Variants in LLGL2 observed in about 807,000 individuals in gnomAD.
The protein encoded by LLGL2 is LLGL2, scribble cell polarity complex component.
Under a neutral mutation model 123.2 loss-of-function variants are expected in LLGL2, and 81 were observed. The ratio of observed to expected loss-of-function variants is 0.66; its 90% CI spans 0.55 to 0.79. The LOEUF (loss-of-function observed/expected upper bound fraction) is 0.79. Ranked by LOEUF, LLGL2 falls within the 30% of genes least tolerant of loss-of-function variation. The pLI is 0.00. For missense variants in LLGL2, 1,273 were observed against 1,414.6 expected, an observed-to-expected ratio of 0.90 and a Z score of 1.61; for synonymous variants, 577 against 594.1, an observed-to-expected ratio of 0.97 and a Z score of 0.42.
At chr17:75,574,844 C>T (rs1176438867) in intron 25 of LLGL2, 27 bp from the exon 26 acceptor site, 2 of 1,613,866 alleles carry the variant, frequency 1.2e-6, no homozygotes, top group Non-Finnish European at 8.5e-7. Context: ...CCAGGGTGAT[C>T]TTGAGCTGTC....
At position 75,558,248 on chromosome 17, in the gene LLGL2, G is replaced by T; in HGVS notation, c.255+12G>T. On this transcript the variant is annotated intron_variant, in intron 4 of 25. Coordinates refer to ENST00000392550, the MANE Select transcript of LLGL2 (RefSeq NM_001031803.2). The surrounding 1 kb of genome is among the most constrained non-coding windows in gnomAD (Gnocchi z 4.0). ...TCCTGCCCGGCCAGGTGAGGGACCT[G>T]GGGTGGGACAGGAAGCCACTTCCAT... is the stretch of plus-strand genomic sequence containing the variant. 1 of 1,608,218 alleles carries T rather than the reference G, an allele frequency of 6.2e-7. No homozygotes were observed. The highest frequency in any genetic ancestry group is 1.1e-5 in the South Asian group (1 of 91,038).
chr17:75,574,801 C>T, intron 25 of LLGL2, 70 bp from the exon 26 acceptor site: 1 of 1,602,370 alleles, frequency 6.2e-7, no homozygotes, highest in Non-Finnish European at 8.5e-7. Context: ...CATGTCTGGG[C>T]TCAGCGTGGG....
chr17:75,572,915 C>T, intron 19 of LLGL2, 99 bp from the exon 20 acceptor site: 1 of 1,410,902 alleles, frequency 7.1e-7, no homozygotes, highest in South Asian at 1.3e-5. Context: ...TTTGTCAGGA[C>T]ACCGGGAGGC....
intron 1 of LLGL2, among the ~76,000 whole-genome samples, chr17:75,529,547 C>T (rs1204811579): frequency 2.6e-5 from 4 of 151,716 alleles, no homozygotes; most frequent in Non-Finnish European, 4.4e-5. Flanking sequence ...TTCTATCCTT[C>T]ATCTCTTTAA....
chr17:75,542,410 G>A (rs2054250192), intron 1 of LLGL2, among the ~76,000 whole-genome samples: 1 of 152,188 alleles, frequency 6.6e-6, no homozygotes, highest in Non-Finnish European at 1.5e-5. Flanking sequence ...TGCTGGGAGT[G>A]GACGGAGCTG....
At chr17:75,563,564 A>T (rs977045438) in intron 8 of LLGL2, 101 bp downstream of exon 8, 38 of 1,550,436 alleles carry the variant, frequency 2.5e-5, no homozygotes, top group Middle Eastern at 2.1e-4. Flanking sequence ...AGAGAGGGTA[A>T]AGGCTTTGTC....
intron 2 of LLGL2, among the ~76,000 whole-genome samples, chr17:75,548,817 GGT>G (rs2054544365): frequency 6.6e-6 from 1 of 151,912 alleles, no homozygotes; most frequent in South Asian, 2.1e-4. Context: ...CTCCTACAGT[GGT>G]ATTTTGGGGT....
intron 1 of LLGL2, among the ~76,000 whole-genome samples, chr17:75,542,435 G>T (rs957278722): frequency 3.9e-5 from 6 of 152,104 alleles, no homozygotes; most frequent in African/African-American, 1.2e-4. Flanking sequence ...CAGGGTCTGT[G>T]TTTCCCAAGG....
At position 75,544,698 on chromosome 17, in the gene LLGL2, G is replaced by A. The variant is rs1302333166; in HGVS notation, c.75+1197G>A. Among the ~76,000 whole-genome samples, 2 of 152,058 alleles carry A rather than the reference G, an allele frequency of 1.3e-5. No individual in the cohort carries two copies. The highest frequency in any genetic ancestry group is 1.5e-5 in the Non-Finnish European group (1 of 67,984). On this transcript the variant is annotated intron_variant, in intron 2 of 25. Transcript: ENST00000392550. This position sits in a 1 kb window ranked among gnomAD's most constrained non-coding sequence, Gnocchi z 4.2. The stretch of plus-strand genomic sequence containing the variant: ...CCCTGTTGGGAGAGGTGGGTCGTGG[G>A]GTGGAGGGACCTCCCTGACCTCCCC...
chr17:75,562,055 G>C (rs1366965456), intron 6 of LLGL2, among the ~76,000 whole-genome samples: 1 of 152,230 alleles, frequency 6.6e-6, no homozygotes, highest in Non-Finnish European at 1.5e-5. Context: ...CTTGGGTTTA[G>C]TGTGGCTTGG....
In LLGL2 at chr17:75,573,498, C is replaced by G. The variant is rs774248063; in HGVS notation, c.2743C>G (p.Pro915Ala). 1 of 1,611,428 alleles carries G rather than the reference C, an allele frequency of 6.2e-7. No homozygotes were observed. Among genetic ancestry groups the G allele is most frequent in the Admixed American group, 1.7e-5 (1 of 59,982 alleles). ...KYGQGFYLIS[P>A]SEFERFSLST... ...CTCCCCAGGCTTCTACCTGATCTCA[C>G]CCTCGGAGTTTGAGCGCTTCTCTCT... Residue 915 changes from proline to alanine, a missense_variant, in exon 21 of 26, where the codon CCC becomes GCC. Coordinates refer to ENST00000392550, the MANE Select transcript of LLGL2 (RefSeq NM_001031803.2).
intron 6 of LLGL2, among the ~76,000 whole-genome samples, chr17:75,560,198 G>A (rs913326863): frequency 1.3e-5 from 2 of 152,252 alleles, no homozygotes; most frequent in South Asian, 2.1e-4. Flanking sequence ...GGGCTGGGAG[G>A]ATTCCCACTT....
At chr17:75,562,761 G>A (rs111612060) in intron 6 of LLGL2, 36,552 of 524,394 alleles carry the variant, frequency 0.07, 1,512 homozygotes, top group Middle Eastern at 0.13. Context: ...GTAGAGACAG[G>A]GTTTTGCCAT....
At chr17:75,548,923 C>CT (rs2147260976) in intron 2 of LLGL2, among the ~76,000 whole-genome samples, 1 of 152,250 alleles carries the variant, frequency 6.6e-6, no homozygotes, top group East Asian at 1.9e-4. Context: ...CTTACCAGGA[C>CT]TTGCCTTGTT....
rs201009590 is a variant in LLGL2 at position 75,563,081 on chromosome 17, G to A, written c.596G>A (p.Arg199Gln). 4.3e-6 allele frequency: 7 copies of A among 1,613,238 alleles called. No individual in the cohort carries two copies. The highest frequency in any genetic ancestry group is 1.1e-5 in the South Asian group (1 of 91,088). Residue 199 changes from arginine (R) to glutamine (Q), a missense_variant, in exon 7 of 26, where the codon CGA (arginine) becomes CAA (glutamine). Physicochemically the swap from Arg to Gln is conservative, Grantham distance 43. Coordinates refer to ENST00000392550, the MANE Select transcript of LLGL2 (RefSeq NM_001031803.2). ...GTGGAGGCACTGCAGGAGCACCCTC[G>A]AGACCCCAACCAGATCCTGATCGGC... ...EMVEALQEHPRDPNQILIGYS... is the reference protein window; with the variant it reads ...EMVEALQEHPQDPNQILIGYS...
chr17:75,561,050 T>G (rs1392466140), intron 6 of LLGL2, among the ~76,000 whole-genome samples: 1 of 152,052 alleles, frequency 6.6e-6, no homozygotes, highest in Non-Finnish European at 1.5e-5. Flanking sequence ...CAGGCTGGTC[T>G]TGAACTCCTG....
chr17:75,528,836 G>A (rs1426210983), intron 1 of LLGL2, among the ~76,000 whole-genome samples: 2 of 152,120 alleles, frequency 1.3e-5, no homozygotes, highest in Non-Finnish European at 2.9e-5. Flanking sequence ...TGGGAAAAAG[G>A]AAACATTGTA....
intron 22 of LLGL2, 46 bp from the exon 23 acceptor site, chr17:75,574,167 G>A (rs1401205894): frequency 1.7e-5 from 26 of 1,519,454 alleles, no homozygotes; most frequent in African/African-American, 5.5e-5. Context: ...GAGCCAGGCC[G>A]AGGAGGGCCC....
chr17:75,571,225 C>A, intron 17 of LLGL2, 125 bp downstream of exon 17: 1 of 892,922 alleles, frequency 1.1e-6, no homozygotes, highest in Non-Finnish European at 1.7e-6. Context: ...CCCTTGTGAG[C>A]AGGGGCAGAC....
Sources: allele counts gnomAD v4.1 joint callset (sites outside exome capture counted in the v4.1 genomes callset), GRCh38; gene constraint gnomAD v4.1.1; non-coding constraint Gnocchi (gnomAD v3.1); transcripts MANE v1.5; gene names NCBI Gene and HGNC (gene_info 2026-07-23, HGNC 2026-07-21).